CCDC192: variants seen among roughly 807,000 people sequenced by gnomAD.
CCDC192 encodes coiled-coil domain containing 192, also known as coiled-coil domain-containing protein 192.
At chr5:127,921,157 GAGAAA>G (rs144541021) in intron 6 of CCDC192, among the ~76,000 whole-genome samples, 1,691 of 145,790 alleles carry the variant, frequency 0.012, 12 homozygotes, top group African/African-American at 0.037. Context: ...GAAAGGAAAG[GAGAAA>G]AGAAAAGAAA....
At chr5:127,719,548 TATATATATATACACACATAC>T (rs1291737814) in intron 2 of CCDC192, among the ~76,000 whole-genome samples, 2,727 of 36,340 alleles carry the variant, frequency 0.075, 313 homozygotes, top group African/African-American at 0.18. Flanking sequence ...TATATATATA[TATATATATATACACACATAC>T]ATATATATAT....
At chr5:127,899,721 C>T (rs935010175) in intron 6 of CCDC192, among the ~76,000 whole-genome samples, 2 of 152,120 alleles carry the variant, frequency 1.3e-5, no homozygotes, top group African/African-American at 4.8e-5. Flanking sequence ...TCTTGCAGGA[C>T]CAGACTCACA....
At chr5:127,800,780 A>T (rs1757466575) in intron 5 of CCDC192, among the ~76,000 whole-genome samples, 1 of 152,188 alleles carries the variant, frequency 6.6e-6, no homozygotes, top group Non-Finnish European at 1.5e-5. Flanking sequence ...GCAGTTTTAA[A>T]ATCCTACCTC....
chr5:127,824,267 G>A (rs748061244), intron 5 of CCDC192, among the ~76,000 whole-genome samples: 3 of 152,200 alleles, frequency 2.0e-5, no homozygotes, highest in Non-Finnish European at 4.4e-5. Flanking sequence ...AAAAAGGATA[G>A]TGAGAATAAT....
chr5:127,788,286 T>C (rs1330573181), intron 3 of CCDC192, among the ~76,000 whole-genome samples: 1 of 152,164 alleles, frequency 6.6e-6, no homozygotes, highest in Non-Finnish European at 1.5e-5. Flanking sequence ...TTTACTTTTA[T>C]AAAAATTTTT....
chr5:127,860,648 A>T (rs188538371), intron 5 of CCDC192, among the ~76,000 whole-genome samples: 38 of 152,310 alleles, frequency 2.5e-4, no homozygotes, highest in African/African-American at 8.9e-4. Flanking sequence ...AAGTGACTAG[A>T]TGCAATATTT....
chr5:127,719,940 A>T (rs527880141), intron 2 of CCDC192, among the ~76,000 whole-genome samples: 1 of 152,058 alleles, frequency 6.6e-6, no homozygotes, highest in East Asian at 1.9e-4. Context: ...ATCATCTCCC[A>T]CCAGACTCTT....
At chr5:127,818,569 C>T (rs983632015) in intron 5 of CCDC192, among the ~76,000 whole-genome samples, 1 of 152,144 alleles carries the variant, frequency 6.6e-6, no homozygotes, top group African/African-American at 2.4e-5. Flanking sequence ...CACATTATGA[C>T]AAGTGGAATG....
intron 6 of CCDC192, among the ~76,000 whole-genome samples, chr5:127,927,768 T>A (rs1231089120): frequency 6.6e-6 from 1 of 152,142 alleles, no homozygotes; most frequent in Admixed American, 6.5e-5. Flanking sequence ...AGTCCACTGG[T>A]GACATTGCAC....
chr5:127,763,915 T>C (rs1393131151), intron 3 of CCDC192, among the ~76,000 whole-genome samples: 1 of 152,142 alleles, frequency 6.6e-6, no homozygotes, highest in East Asian at 1.9e-4. Flanking sequence ...TTAGATGCCA[T>C]TCCCTCCAAA....
At chr5:127,792,787 A>G (rs1428839135) in intron 3 of CCDC192, among the ~76,000 whole-genome samples, 2 of 144,336 alleles carry the variant, frequency 1.4e-5, no homozygotes, top group African/African-American at 2.6e-5. Flanking sequence ...GAAGAGGAAG[A>G]AGAAGAAGAA....
intron 5 of CCDC192, among the ~76,000 whole-genome samples, chr5:127,815,304 G>T (rs1748953991): frequency 6.6e-6 from 1 of 152,136 alleles, no homozygotes; most frequent in South Asian, 2.1e-4. Context: ...TGAGGAAGAT[G>T]GTGAAACGTC....
intron 5 of CCDC192, among the ~76,000 whole-genome samples, chr5:127,851,109 G>T (rs190073211): frequency 3.9e-5 from 6 of 152,280 alleles, no homozygotes; most frequent in Admixed American, 2.0e-4. Flanking sequence ...TTGGGTGCTT[G>T]TCCTGGCTTC....
At chr5:127,768,589 G>A (rs943038339) in intron 3 of CCDC192, among the ~76,000 whole-genome samples, 5 of 152,150 alleles carry the variant, frequency 3.3e-5, no homozygotes, top group African/African-American at 1.2e-4. Flanking sequence ...CCAGTTTGTG[G>A]TACTCTTTTA....
chr5:127,930,335 A>G (rs990818954), intron 6 of CCDC192, among the ~76,000 whole-genome samples: 3 of 152,372 alleles, frequency 2.0e-5, no homozygotes, highest in Admixed American at 2.0e-4. Flanking sequence ...TCAGATAAGC[A>G]TAGAAGCAGT....
intron 5 of CCDC192, among the ~76,000 whole-genome samples, chr5:127,858,946 A>C (rs75317458): frequency 6.6e-6 from 1 of 150,816 alleles, no homozygotes; most frequent in Non-Finnish European, 1.5e-5. Context: ...ATAAAAAAAA[A>C]CACTGTCACA....
At chr5:127,807,936 G>C (rs755422372) in intron 5 of CCDC192, among the ~76,000 whole-genome samples, 9 of 152,116 alleles carry the variant, frequency 5.9e-5, no homozygotes, top group South Asian at 2.1e-4. Flanking sequence ...CAGGCAGGAG[G>C]GGGTAGTCTG....
At chr5:127,882,312 C>A (rs1441084829) in intron 6 of CCDC192, among the ~76,000 whole-genome samples, 1 of 152,130 alleles carries the variant, frequency 6.6e-6, no homozygotes, top group African/African-American at 2.4e-5. Context: ...AAATATATTT[C>A]TTTGCCGACA....
chr5:127,883,736 G>A (rs1752444932), intron 6 of CCDC192, among the ~76,000 whole-genome samples: 1 of 152,200 alleles, frequency 6.6e-6, no homozygotes, highest in Non-Finnish European at 1.5e-5. Flanking sequence ...TACAAATTTA[G>A]TGTGATTGTG....
Sources: allele counts gnomAD v4.1 joint callset (sites outside exome capture counted in the v4.1 genomes callset), GRCh38; gene constraint gnomAD v4.1.1; transcripts MANE v1.5; gene names NCBI Gene and HGNC (gene_info 2026-07-23, HGNC 2026-07-21).